The following PDIA6 variants were observed in gnomAD, a reference collection of about 807,000 sequenced individuals.
PDIA6 encodes the protein protein disulfide-isomerase A6.
Under a neutral mutation model 58.4 loss-of-function variants are expected in PDIA6, and 29 were observed. That is an observed-to-expected ratio of 0.50 (90% CI 0.37 to 0.68). The LOEUF (loss-of-function observed/expected upper bound fraction) is 0.68, where lower values mean the gene tolerates loss of function less well. Ranked by LOEUF, PDIA6 falls within the 30% of genes least tolerant of loss-of-function variation. The pLI is 0.00. For missense variants in PDIA6, 480 were observed against 551.0 expected (o/e 0.87, Z 1.29); for synonymous variants, 192 against 202.6 (o/e 0.95, Z 0.44).
At chr2:10,837,677 T>G in exon 1 of PDIA6, 1 of 1,515,862 alleles carries the variant, frequency 6.6e-7, no homozygotes, top group African/African-American at 1.4e-5. Flanking sequence ...GTGGCAGAGC[T>G]GGGTCTCAAG....
At chr2:10,810,743 T>C (rs1666970338) in intron 1 of PDIA6, among the ~76,000 whole-genome samples, 1 of 152,168 alleles carries the variant, frequency 6.6e-6, no homozygotes, top group Admixed American at 6.5e-5. Context: ...ACATTCTGAA[T>C]GCATAAAAGT....
At chr2:10,813,696 CG>C (rs1274759560), upstream of PDIA6, among the ~76,000 whole-genome samples, 7 of 151,474 alleles carry the variant, frequency 4.6e-5, no homozygotes, top group Admixed American at 2.0e-4. Flanking sequence ...AGTGCAAAGG[CG>C]GGGTCTTGGC....
In PDIA6 at chr2:10,802,795, C is replaced by T. The variant is rs1014658414; in HGVS notation, c.20-155G>A. 1.4e-4 allele frequency among the ~76,000 whole-genome samples: 21 copies of T among 152,164 alleles called. No individual in the cohort carries two copies. In the South Asian group the frequency reaches 1.5e-3, roughly 11 times the overall value. On this transcript the variant is annotated intron_variant, in intron 1 of 12. Transcript: ENST00000272227. ...CTGCCCTTCCTGCTGCAGTTGGAGC[C>T]CCTGGAATTTCACTCCCATTGCTGC...
chr2:10,825,141 A>G (rs575617488), intron 1 of PDIA6, among the ~76,000 whole-genome samples: 3 of 152,126 alleles, frequency 2.0e-5, no homozygotes, highest in Non-Finnish European at 2.9e-5. Flanking sequence ...TCAGACTCCA[A>G]GTTCTTCAGT....
chr2:10,806,422 G>A (rs966501153), intron 1 of PDIA6, among the ~76,000 whole-genome samples: 21 of 147,880 alleles, frequency 1.4e-4, no homozygotes, highest in Admixed American at 1.2e-3. Flanking sequence ...TGTATAATGC[G>A]TTTTAAGGTA....
At chr2:10,829,808 G>A (rs953606771) in intron 1 of PDIA6, among the ~76,000 whole-genome samples, 2 of 152,108 alleles carry the variant, frequency 1.3e-5, no homozygotes, top group Non-Finnish European at 2.9e-5. Context: ...GTCCATCCCT[G>A]GATTCCTCTA....
In PDIA6 at chr2:10,797,349, C is replaced by G. The variant is rs907647289; in HGVS notation, c.220-142G>C. On this transcript the variant is annotated intron_variant, in intron 3 of 12. Transcript: ENST00000272227. ...GCAATCAGTCAATAAGGGCTTTAGC[C>G]TTGAACACCAGAAGAGAATCTAAAT... 9 of 731,240 alleles carry G rather than the reference C, an allele frequency of 1.2e-5. No homozygotes were observed. The African/African-American group carries it at 1.6e-4, about 13-fold the overall frequency. 45.3% of individuals were successfully genotyped at this position (731,240 alleles called of 1,614,324 possible).
intron 10 of PDIA6, among the ~76,000 whole-genome samples, 192 bp from the exon 11 acceptor site, chr2:10,787,631 C>T (rs2148533241): frequency 6.6e-6 from 1 of 152,296 alleles, no homozygotes; most frequent in East Asian, 1.9e-4. Flanking sequence ...GGTTATTAAG[C>T]ATGTTCTCGC....
At chr2:10,837,050 A>G (rs995114713), upstream of PDIA6, among the ~76,000 whole-genome samples, 1 of 152,190 alleles carries the variant, frequency 6.6e-6, no homozygotes, top group Non-Finnish European at 1.5e-5. Context: ...CACGTCTCCT[A>G]AACAACAGAA....
chr2:10,820,986 G>A, intron 1 of PDIA6: 1 of 638,472 alleles, frequency 1.6e-6, no homozygotes, highest in Non-Finnish European at 2.9e-6. Context: ...GGTTAAGCAG[G>A]TCGTTGGGCC....
At chr2:10,797,660 A>C (rs1352345325) in intron 3 of PDIA6, 40 bp downstream of exon 3, 2 of 1,499,998 alleles carry the variant, frequency 1.3e-6, no homozygotes, top group African/African-American at 2.8e-5. Context: ...TTACTGTAAA[A>C]AAAAGTTTTG....
intron 11 of PDIA6, among the ~76,000 whole-genome samples, chr2:10,785,827 C>G (rs1665704050): frequency 1.3e-5 from 2 of 152,184 alleles, no homozygotes; most frequent in South Asian, 4.1e-4. Flanking sequence ...CTGGGTGTGC[C>G]TCAGCCTCCC....
At chr2:10,820,848 C>T (rs189440418) in intron 1 of PDIA6, 75 of 702,960 alleles carry the variant, frequency 1.1e-4, no homozygotes, top group African/African-American at 3.8e-4. Flanking sequence ...AAGCTTCTCC[C>T]GGAGGTCTCT....
chr2:10,786,317 G>GC (rs761680554), intron 11 of PDIA6, among the ~76,000 whole-genome samples: 10 of 124,576 alleles, frequency 8.0e-5, no homozygotes, highest in South Asian at 7.0e-4. Flanking sequence ...TGTCTCGGGG[G>GC]TGGGGGGGAA....
chr2:10,837,157 C>G (rs1048341464), upstream of PDIA6, among the ~76,000 whole-genome samples: 1 of 152,178 alleles, frequency 6.6e-6, no homozygotes, highest in Non-Finnish European at 1.5e-5. Flanking sequence ...CTCACTGTCA[C>G]CCCTCTCTGT....
At chr2:10,834,504 A>C (rs931793761), upstream of PDIA6, among the ~76,000 whole-genome samples, 2 of 151,192 alleles carry the variant, frequency 1.3e-5, no homozygotes, top group Non-Finnish European at 3.0e-5. Flanking sequence ...GTGGGATCTC[A>C]TTGGTCCCTG....
Position 10,790,800 on chromosome 2 carries a change from T to C in PDIA6, c.618A>G (p.Glu206=). The change falls in exon 7 of 13, where the codon GAA becomes GAG. Residue 206 remains glutamate, a synonymous_variant. Coordinates refer to ENST00000272227, the MANE Select transcript of PDIA6 (RefSeq NM_005742.4). The part of the protein sequence containing the change: ...LEPEWAAAAS[E]VKEQTKGKVK... ...CTTTTCCTTTCGTCTGCTCTTTTAC[T>C]TCTGAAGCTGCGGCAGCCCACTCTG... The C allele has an allele frequency of 1.2e-6, 2 of 1,614,062 alleles. No homozygotes were observed. Among genetic ancestry groups the C allele is most frequent in the East Asian group, 2.2e-5 (1 of 44,892 alleles).
chr2:10,809,343 G>A (rs1666897962), intron 1 of PDIA6, among the ~76,000 whole-genome samples: 1 of 152,120 alleles, frequency 6.6e-6, no homozygotes, highest in Non-Finnish European at 1.5e-5. Context: ...AGTAAATCAA[G>A]AACATAAGCA....
At chr2:10,823,013 C>G (rs1392794792) in intron 1 of PDIA6, 2 of 152,154 alleles carry the variant, frequency 1.3e-5, no homozygotes, top group Admixed American at 1.3e-4. Flanking sequence ...TTAGAGTACC[C>G]CAGTGTCTTC....
Sources: gnomAD v4.1 joint callset for allele counts (sites outside exome capture counted in the v4.1 genomes callset) on GRCh38, gnomAD v4.1.1 for gene constraint, MANE v1.5 for transcripts, NCBI Gene and HGNC (gene_info 2026-07-23, HGNC 2026-07-21) for gene names.